ITPRID1: variants seen among roughly 807,000 people sequenced by gnomAD.
ITPRID1 encodes protein ITPRID1.
In ITPRID1, 96 loss-of-function variants were observed where a neutral mutation model predicts 95.4. That is an observed-to-expected ratio of 1.01 (90% CI 0.85 to 1.19). ITPRID1 has a LOEUF of 1.19. ITPRID1 is among the 50% of genes most tolerant of loss of function. ITPRID1 has a pLI of 0.00. For missense variants in ITPRID1, 1,339 were observed against 1,252.9 expected (o/e 1.07, Z -1.04); for synonymous variants, 510 against 453.6 (o/e 1.12, Z -1.58).
chr7:31,534,971 A>C (rs1273460732), intron 1 of ITPRID1, among the ~76,000 whole-genome samples: 1 of 152,086 alleles, frequency 6.6e-6, no homozygotes, highest in East Asian at 1.9e-4. Flanking sequence ...TCCTAGAATT[A>C]CAGGGTCTAA....
chr7:31,520,027 C>T (rs1783191583), intron 1 of ITPRID1, among the ~76,000 whole-genome samples: 1 of 151,710 alleles, frequency 6.6e-6, no homozygotes, highest in African/African-American at 2.4e-5. Flanking sequence ...TCTCCTTAGG[C>T]TCCTCTTGAC....
At chr7:31,622,273 A>C (rs1418253161) in intron 10 of ITPRID1, among the ~76,000 whole-genome samples, 2 of 129,478 alleles carry the variant, frequency 1.5e-5, no homozygotes, top group East Asian at 2.7e-4. Flanking sequence ...CATCTACAGA[A>C]CTCTCCACCC....
rs1276061413 is a variant in ITPRID1 at position 31,610,769 on chromosome 7, A to T, written c.1228+27578A>T. On this transcript the variant is annotated intron_variant, in intron 10 of 14. Transcript: ENST00000615280. ...ATGATATGATATAGTATATAAAAAT[A>T]TAGCCATTCCAGCTACGTTTTGGTT... Among the ~76,000 whole-genome samples the T allele has an allele frequency of 4.6e-5, 7 of 151,650 alleles. No individual in the cohort carries two copies. In the East Asian group the frequency reaches 1.3e-3, roughly 29 times the overall value.
At chr7:31,576,525 G>T (rs1354231780) in intron 8 of ITPRID1, among the ~76,000 whole-genome samples, 7 of 152,132 alleles carry the variant, frequency 4.6e-5, no homozygotes, top group Admixed American at 3.3e-4. Context: ...AAGAGATTCA[G>T]TTTCAACTAC....
intron 12 of ITPRID1, among the ~76,000 whole-genome samples, chr7:31,650,233 G>A (rs1174438465): frequency 6.6e-6 from 1 of 152,216 alleles, no homozygotes; most frequent in Non-Finnish European, 1.5e-5. Flanking sequence ...AAGGGCCTAT[G>A]TCAGGTGTTG....
At chr7:31,550,941 A>AT (rs1448140805) in intron 2 of ITPRID1, among the ~76,000 whole-genome samples, 1 of 143,592 alleles carries the variant, frequency 7.0e-6, no homozygotes, top group Non-Finnish European at 1.6e-5. Context: ...AAAATTTGGC[A>AT]TTATGATACA....
At chr7:31,580,652 C>G (rs1192361514) in intron 9 of ITPRID1, among the ~76,000 whole-genome samples, 2 of 148,402 alleles carry the variant, frequency 1.3e-5, no homozygotes, top group Non-Finnish European at 3.0e-5. Context: ...TAGAAACACA[C>G]TCAGACACCA....
intron 1 of ITPRID1, among the ~76,000 whole-genome samples, chr7:31,532,299 A>T (rs1343058233): frequency 2.0e-5 from 3 of 152,134 alleles, no homozygotes; most frequent in African/African-American, 7.2e-5. Context: ...TCTGTTTGTT[A>T]TGTTGCCCAT....
intron 5 of ITPRID1, among the ~76,000 whole-genome samples, chr7:31,555,509 A>G (rs905276249): frequency 1.3e-5 from 2 of 150,980 alleles, no homozygotes; most frequent in Non-Finnish European, 2.9e-5. Context: ...AGACCCTTCA[A>G]TTATAAAATG....
At chr7:31,557,726 G>A (rs925002346) in intron 5 of ITPRID1, among the ~76,000 whole-genome samples, 5 of 152,228 alleles carry the variant, frequency 3.3e-5, no homozygotes, top group African/African-American at 7.2e-5. Flanking sequence ...TAAATATTAC[G>A]TGGAGGAAAA....
chr7:31,529,845 G>T (rs1014571302), intron 1 of ITPRID1: 13 of 1,528,174 alleles, frequency 8.5e-6, no homozygotes, highest in Non-Finnish European at 1.1e-5. Context: ...CTTATAATTT[G>T]TTTTTTTTCT....
At chr7:31,584,835 C>T (rs1785530204) in intron 10 of ITPRID1, among the ~76,000 whole-genome samples, 1 of 152,122 alleles carries the variant, frequency 6.6e-6, no homozygotes, top group South Asian at 2.1e-4. Flanking sequence ...AAGTACAAAA[C>T]AATTACTTCA....
intron 5 of ITPRID1, among the ~76,000 whole-genome samples, chr7:31,558,025 T>C (rs1171782754): frequency 2.0e-5 from 3 of 152,206 alleles, no homozygotes; most frequent in African/African-American, 7.2e-5. Context: ...CCTTTATGAA[T>C]GGTTTAATGC....
chr7:31,613,426 T>G (rs560080917), intron 10 of ITPRID1, among the ~76,000 whole-genome samples: 11 of 152,188 alleles, frequency 7.2e-5, no homozygotes, highest in Non-Finnish European at 1.0e-4. Flanking sequence ...CTATTTCCAC[T>G]ACCTCAGAAG....
At chr7:31,552,976 A>G (rs1784331293) in intron 2 of ITPRID1, 26 bp from the exon 3 acceptor site, 1 of 1,577,434 alleles carries the variant, frequency 6.3e-7, no homozygotes, top group East Asian at 2.3e-5. Flanking sequence ...ATCGTGTCTG[A>G]TTTGTTTGTG....
rs1050169387 is a variant in ITPRID1 at position 31,654,313 on chromosome 7, T to C, written c.*1484T>C. Among the ~76,000 whole-genome samples, 8 of 152,086 alleles carry C rather than the reference T, an allele frequency of 5.3e-5. No homozygotes were observed. Among genetic ancestry groups the C allele is most frequent in the Non-Finnish European group, 1.0e-4 (7 of 68,002 alleles). On this transcript the variant is annotated 3_prime_UTR_variant, in exon 15 of 15. Coordinates refer to ENST00000615280, the MANE Select transcript of ITPRID1 (RefSeq NM_001257967.3). ...GTTAACAGGCCCCCAGATGTAGAGA[T>C]AGCCAGTGCTGCTCAGTGCGGTGGG... is the stretch of plus-strand genomic sequence containing the variant.
chr7:31,578,091 C>G lies in ITPRID1; in HGVS notation c.827C>G (p.Ser276Cys), dbSNP rs771801749. The part of the protein sequence containing the change: ...RRDCNPEVSE[S>C]FKVKDEVFVP... ...GATTGTAACCCAGAGGTATCAGAGT[C>G]CTTCAAGGTGAAGGATGAAGTTTTT... Residue 276 changes from serine (S) to cysteine (C), a missense_variant, in exon 9 of 15, where the codon TCC becomes TGC. Ser to Cys is a moderately radical substitution (Grantham distance 112). Coordinates refer to ENST00000615280, the MANE Select transcript of ITPRID1 (RefSeq NM_001257967.3). 10 of 1,613,610 alleles carry G rather than the reference C, an allele frequency of 6.2e-6. No homozygotes were observed. In the East Asian group the frequency reaches 2.2e-4, roughly 36 times the overall value.
At chr7:31,585,113 T>C (rs1421462718) in intron 10 of ITPRID1, among the ~76,000 whole-genome samples, 2 of 152,238 alleles carry the variant, frequency 1.3e-5, no homozygotes, top group Non-Finnish European at 2.9e-5. Flanking sequence ...CAGATGACTC[T>C]AGCCCAGGTG....
chr7:31,630,182 G>A lies in ITPRID1; in HGVS notation c.1229-11994G>A, dbSNP rs114380066. On this transcript the variant is annotated intron_variant, in intron 10 of 14. Transcript: ENST00000615280. ...AATTAAATTTAAAAACATAGTATTT[G>A]TTATATGAGTTCTAAATTACCAGAG... 8.9e-3 allele frequency among the ~76,000 whole-genome samples: 1,089 copies of A among 121,918 alleles called. 15 individuals carry two copies. Among genetic ancestry groups the A allele is most frequent in the African/African-American group, 0.032 (1,048 of 32,392 alleles). 80.0% of individuals were successfully genotyped at this position (121,918 alleles called of 152,430 possible).
Sources: allele counts gnomAD v4.1 joint callset (sites outside exome capture counted in the v4.1 genomes callset), GRCh38; gene constraint gnomAD v4.1.1; transcripts MANE v1.5; gene names NCBI Gene and HGNC (gene_info 2026-07-23, HGNC 2026-07-21).